Variants in CDYL2 observed in about 807,000 individuals in gnomAD.
CDYL2 encodes chromodomain Y-like protein 2.
Under a neutral mutation model 49.4 loss-of-function variants are expected in CDYL2, and 23 were observed. That is an observed-to-expected ratio of 0.47 (90% CI 0.34 to 0.66). CDYL2 has a LOEUF of 0.66. CDYL2 is among the 30% of genes least tolerant of loss of function. The pLI, the probability that CDYL2 is intolerant of heterozygous loss-of-function variation, is 0.01. For synonymous variants in CDYL2, 360 were observed against 268.8 expected (o/e 1.34, Z -3.32); for missense variants, 678 against 656.4 (o/e 1.03, Z -0.36).
At position 80,604,189 on chromosome 16, in the gene CDYL2, G is replaced by A; in HGVS notation, c.*199C>T. On this transcript the variant is annotated 3_prime_UTR_variant, in exon 7 of 7. Coordinates refer to ENST00000570137, the MANE Select transcript of CDYL2 (RefSeq NM_152342.4). ...TGGCCAGGAAGGGCAGGGAGGTGGGGGAGGCCAAGTATGCTGCGTTTTCCA... is the reference window on the plus strand; with the variant it reads ...TGGCCAGGAAGGGCAGGGAGGTGGGAGAGGCCAAGTATGCTGCGTTTTCCA... 1 of 615,318 alleles carries A rather than the reference G, an allele frequency of 1.6e-6. No individual in the cohort carries two copies. The highest frequency in any genetic ancestry group is 2.8e-6 in the Non-Finnish European group (1 of 353,002). 38.1% of individuals were successfully genotyped at this position (615,318 alleles called of 1,614,324 possible).
intron 1 of CDYL2, among the ~76,000 whole-genome samples, chr16:80,777,537 G>A (rs1047778038): frequency 6.6e-6 from 1 of 151,390 alleles, no homozygotes; most frequent in Non-Finnish European, 1.5e-5. Flanking sequence ...AGAGATGAAG[G>A]GTATAACCAA....
Position 80,598,403 on chromosome 16 carries a change from T to C in CDYL2, c.*5985A>G, listed in dbSNP as rs941568664. On this transcript the variant is annotated 3_prime_UTR_variant, in exon 7 of 7. Transcript: ENST00000570137. ...CCAATAGAATACCACTTCTTCAGCA[T>C]CAATCATTTCTCAACTGGTCAATGG... is the stretch of plus-strand genomic sequence containing the variant. The C allele has an allele frequency of 6.6e-6, 1 of 152,176 alleles. No individual in the cohort carries two copies. Among genetic ancestry groups the C allele is most frequent in the African/African-American group, 2.4e-5 (1 of 41,424 alleles). 9.4% of individuals were successfully genotyped at this position (152,176 alleles called of 1,614,324 possible). A position where few individuals can be genotyped will look rare whatever the true frequency, so the allele number is the denominator to read the frequency against.
chr16:80,803,280 G>A (rs969240652), intron 1 of CDYL2, among the ~76,000 whole-genome samples: 2 of 152,316 alleles, frequency 1.3e-5, no homozygotes, highest in African/African-American at 4.8e-5. Flanking sequence ...GGGAAGACAT[G>A]AGAGTATCCA....
intron 1 of CDYL2, among the ~76,000 whole-genome samples, chr16:80,724,027 GA>G (rs899961903): frequency 1.1e-4 from 17 of 150,086 alleles, no homozygotes; most frequent in Admixed American, 9.9e-4. Flanking sequence ...GAAAGAGGAA[GA>G]GGGGAGGAGG....
At chr16:80,691,765 T>C (rs1364076571) in intron 1 of CDYL2, among the ~76,000 whole-genome samples, 1 of 152,232 alleles carries the variant, frequency 6.6e-6, no homozygotes, top group Non-Finnish European at 1.5e-5. Context: ...ATATGACCCA[T>C]GTTTTTAAAA....
chr16:80,687,457 G>C (rs1342798933), intron 1 of CDYL2, among the ~76,000 whole-genome samples: 1 of 152,044 alleles, frequency 6.6e-6, no homozygotes, highest in African/African-American at 2.4e-5. Context: ...TGGGTGACTA[G>C]ATGTATAAAT....
chr16:80,626,979 A>G (rs1407157953), intron 3 of CDYL2, among the ~76,000 whole-genome samples: 3 of 152,180 alleles, frequency 2.0e-5, no homozygotes, highest in Non-Finnish European at 4.4e-5. Flanking sequence ...AGGCACGACC[A>G]TGATTTAAAT....
At chr16:80,690,598 T>C (rs1275622834) in intron 1 of CDYL2, among the ~76,000 whole-genome samples, 1 of 152,086 alleles carries the variant, frequency 6.6e-6, no homozygotes. Flanking sequence ...GCATCTTGGC[T>C]CCAAATCCCA....
chr16:80,796,831 T>G (rs1415921258), intron 1 of CDYL2, among the ~76,000 whole-genome samples: 1 of 152,098 alleles, frequency 6.6e-6, no homozygotes, highest in Non-Finnish European at 1.5e-5. Flanking sequence ...ACTCCTCGAT[T>G]CCTCATCACA....
At chr16:80,735,027 A>G (rs1323518347) in intron 1 of CDYL2, 1 of 152,184 alleles carries the variant, frequency 6.6e-6, no homozygotes, top group Non-Finnish European at 1.5e-5. Context: ...AATCATCACA[A>G]AAGCCACATT....
At chr16:80,718,916 T>C (rs760938856) in intron 1 of CDYL2, among the ~76,000 whole-genome samples, 6 of 152,002 alleles carry the variant, frequency 3.9e-5, no homozygotes, top group Non-Finnish European at 7.4e-5. Context: ...CAGGGAACAA[T>C]GTAGGGATCC....
At chr16:80,751,797 T>A (rs1011044656) in intron 1 of CDYL2, among the ~76,000 whole-genome samples, 1 of 152,244 alleles carries the variant, frequency 6.6e-6, no homozygotes, top group African/African-American at 2.4e-5. Flanking sequence ...AAGAGAGGGA[T>A]AATCAGAGAT....
chr16:80,687,037 T>G (rs552421690), intron 1 of CDYL2, among the ~76,000 whole-genome samples: 2 of 152,264 alleles, frequency 1.3e-5, no homozygotes, highest in Non-Finnish European at 2.9e-5. Context: ...TATTCCTTTG[T>G]AATAATGCTT....
chr16:80,709,026 G>T (rs142522479), intron 1 of CDYL2, among the ~76,000 whole-genome samples: 1 of 152,182 alleles, frequency 6.6e-6, no homozygotes, highest in Non-Finnish European at 1.5e-5. Flanking sequence ...AGCGTAAGGC[G>T]CCAGTCAGAC....
chr16:80,797,624 T>G (rs1907805474), intron 1 of CDYL2, among the ~76,000 whole-genome samples: 1 of 152,164 alleles, frequency 6.6e-6, no homozygotes, highest in African/African-American at 2.4e-5. Flanking sequence ...CAATCAACCC[T>G]GGTACTGCCT....
At chr16:80,764,178 G>A (rs1347713273) in intron 1 of CDYL2, among the ~76,000 whole-genome samples, 1 of 152,120 alleles carries the variant, frequency 6.6e-6, no homozygotes, top group East Asian at 1.9e-4. Context: ...ATGAATATAT[G>A]AAAATCATTT....
At chr16:80,626,583 G>C (rs563203880) in intron 3 of CDYL2, among the ~76,000 whole-genome samples, 2 of 152,128 alleles carry the variant, frequency 1.3e-5, no homozygotes, top group African/African-American at 4.8e-5. Context: ...ATAAAATAAA[G>C]AACACCCAAT....
chr16:80,787,748 T>G (rs1019281623), intron 1 of CDYL2, among the ~76,000 whole-genome samples: 1 of 152,228 alleles, frequency 6.6e-6, no homozygotes, highest in African/African-American at 2.4e-5. Context: ...AAAAATAGTT[T>G]TATATATCTC....
intron 1 of CDYL2, among the ~76,000 whole-genome samples, chr16:80,702,403 TA>T (rs988697014): frequency 3.3e-5 from 5 of 151,758 alleles, no homozygotes; most frequent in Non-Finnish European, 1.5e-5. Context: ...TGGCATGAAG[TA>T]AAATAGTAAA....
Sources: allele counts gnomAD v4.1 joint callset (sites outside exome capture counted in the v4.1 genomes callset), GRCh38; gene constraint gnomAD v4.1.1; transcripts MANE v1.5; gene names NCBI Gene and HGNC (gene_info 2026-07-23, HGNC 2026-07-21).